LAMC2: variants seen among roughly 807,000 people sequenced by gnomAD.
LAMC2 encodes laminin subunit gamma 2.
Under a neutral mutation model 140.2 loss-of-function variants are expected in LAMC2, and 97 were observed. That is an observed-to-expected ratio of 0.69 (90% CI 0.59 to 0.82). The LOEUF (loss-of-function observed/expected upper bound fraction) is 0.82. Among genes scored for constraint, LAMC2 ranks in the 40% least tolerant of loss-of-function variants. LAMC2 has a pLI of 0.00. For synonymous variants in LAMC2, 513 were observed against 540.2 expected (o/e 0.95, Z 0.70); for missense variants, 1,402 against 1,476.1 (o/e 0.95, Z 0.82).
chr1:183,242,452 T>G (rs1048870918), intron 22 of LAMC2, among the ~76,000 whole-genome samples: 1 of 152,226 alleles, frequency 6.6e-6, no homozygotes, highest in Admixed American at 6.5e-5. Flanking sequence ...CACTCAAACC[T>G]ATTTGAACTA....
At position 183,225,480 on chromosome 1, in the gene LAMC2, T is replaced by C. The variant is rs906297306; in HGVS notation, c.954-128T>C. ...ATGCCTATGAAAAGGTGGCTCTCAG[T>C]CCTATGCCCCCTTCTAAGCAGGACT... On this transcript the variant is annotated intron_variant, in intron 7 of 22. Coordinates refer to ENST00000264144, the MANE Select transcript of LAMC2 (RefSeq NM_005562.3). The C allele has an allele frequency of 2.0e-5, 15 of 737,642 alleles. 1 individual carries two copies. The highest frequency in any genetic ancestry group is 3.7e-5 in the Admixed American group (2 of 54,578). The allele number at this position is 737,642 out of a possible 1,614,324, so 45.7% of individuals were successfully genotyped here.
intron 2 of LAMC2, among the ~76,000 whole-genome samples, chr1:183,211,938 T>C (rs1410301750): frequency 6.6e-6 from 1 of 152,124 alleles, no homozygotes; most frequent in East Asian, 1.9e-4. Flanking sequence ...CCTTATCTAT[T>C]CTTTAAAACC....
intron 7 of LAMC2, 139 bp from the exon 8 acceptor site, chr1:183,225,469 G>T (rs886763116): frequency 1.4e-6 from 1 of 692,994 alleles, no homozygotes. Context: ...CTATGAAAAG[G>T]TGGCTCTCAG....
intron 1 of LAMC2, among the ~76,000 whole-genome samples, chr1:183,198,336 G>A (rs572678280): frequency 6.6e-6 from 1 of 151,880 alleles, no homozygotes; most frequent in East Asian, 1.9e-4. Context: ...GTAGAGACAG[G>A]GTTTCACCAT....
At chr1:183,195,681 G>T (rs991055670) in intron 1 of LAMC2, among the ~76,000 whole-genome samples, 1 of 152,202 alleles carries the variant, frequency 6.6e-6, no homozygotes, top group Non-Finnish European at 1.5e-5. Context: ...TCAGCTAAAA[G>T]CCTTAGTGAG....
chr1:183,198,894 T>G (rs894033366), intron 1 of LAMC2, among the ~76,000 whole-genome samples: 4 of 152,124 alleles, frequency 2.6e-5, no homozygotes, highest in Admixed American at 2.6e-4. Context: ...AGACCCTTAA[T>G]CTCATTGAAA....
chr1:183,209,411 C>T (rs1448067174), intron 2 of LAMC2, among the ~76,000 whole-genome samples: 1 of 152,034 alleles, frequency 6.6e-6, no homozygotes, highest in Non-Finnish European at 1.5e-5. Flanking sequence ...AACTGGGTGA[C>T]CCTGTGGTGA....
intron 22 of LAMC2, 142 bp from the exon 23 acceptor site, chr1:183,243,005 A>G: frequency 1.1e-6 from 1 of 911,146 alleles, no homozygotes; most frequent in Non-Finnish European, 1.7e-6. Context: ...CTAATTTAAA[A>G]TAAGCTTTAA....
chr1:183,250,824 C>A, the LAMC2 span: 1 of 152,584 alleles, frequency 6.6e-6, no homozygotes, highest in Non-Finnish European at 1.5e-5. Flanking sequence ...TCTGTTAAAT[C>A]AAGTTCCTTT....
intron 1 of LAMC2, among the ~76,000 whole-genome samples, chr1:183,199,073 A>G (rs886570179): frequency 8.4e-6 from 1 of 119,076 alleles, no homozygotes; most frequent in Non-Finnish European, 1.8e-5. Context: ...AGATTTCTGT[A>G]TGTTCAGGTT....
rs780323891 is a variant in LAMC2 at position 183,220,930 on chromosome 1, T to C, written c.609T>C (p.Ser203=). ...GCTGCCGCAGCTCTGCAGAATACAG[T>C]GTCCATAAGATCACCTCTACCTTTC... ...SASCRSSAEY[S]VHKITSTFHQ... Residue 203 remains serine, a synonymous_variant, in exon 5 of 23, where the codon AGT becomes AGC. Transcript: ENST00000264144. 2 of 1,614,172 alleles carry C rather than the reference T, an allele frequency of 1.2e-6. No individual in the cohort carries two copies. The highest frequency in any genetic ancestry group is 2.2e-5 in the East Asian group (1 of 44,886).
intron 2 of LAMC2, among the ~76,000 whole-genome samples, chr1:183,208,631 A>T (rs552846685): frequency 6.3e-4 from 96 of 152,314 alleles, no homozygotes; most frequent in Non-Finnish European, 2.4e-4. Context: ...AACAAATAGG[A>T]AACACCTAAT....
intron 18 of LAMC2, 50 bp from the exon 19 acceptor site, chr1:183,238,257 G>T (rs1430418331): frequency 4.5e-6 from 6 of 1,329,122 alleles, no homozygotes; most frequent in African/African-American, 1.4e-5. Context: ...GAGTGATTTT[G>T]CCAGCAGGAA....
At chr1:183,201,042 CAG>C (rs1317932915) in intron 1 of LAMC2, among the ~76,000 whole-genome samples, 1 of 152,146 alleles carries the variant, frequency 6.6e-6, no homozygotes, top group Non-Finnish European at 1.5e-5. Context: ...GGTAAACTTG[CAG>C]AGTCTCATTT....
chr1:183,252,607 A>AG, the LAMC2 span: 6 of 1,381,538 alleles, frequency 4.3e-6, no homozygotes, highest in Admixed American at 1.0e-4. Flanking sequence ...ACAAAGATGG[A>AG]GGGGCCATTG....
chr1:183,199,680 G>T (rs1658645439), intron 1 of LAMC2, among the ~76,000 whole-genome samples: 1 of 152,240 alleles, frequency 6.6e-6, no homozygotes, highest in South Asian at 2.1e-4. Context: ...TGCTGAGAGA[G>T]GTGAGGATGA....
At chr1:183,197,675 CAA>C (rs201843893) in intron 1 of LAMC2, among the ~76,000 whole-genome samples, 44,416 of 123,520 alleles carry the variant, frequency 0.36, 6,872 homozygotes, top group Middle Eastern at 0.49. Context: ...GACTCCGTCT[CAA>C]AAAAAAAAAA....
At chr1:183,207,836 T>TG in intron 1 of LAMC2, 45 bp from the exon 2 acceptor site, 1 of 630,222 alleles carries the variant, frequency 1.6e-6, no homozygotes, top group Non-Finnish European at 2.2e-6. Flanking sequence ...TCCTGAGGTG[T>TG]TTTTTTTTTT....
At chr1:183,224,459 C>A (rs1415390270) in intron 7 of LAMC2, among the ~76,000 whole-genome samples, 3 of 152,008 alleles carry the variant, frequency 2.0e-5, no homozygotes, top group African/African-American at 4.8e-5. Context: ...GAAGTGTGAT[C>A]GTCAGGTGTG....
Sources: allele counts gnomAD v4.1 joint callset (sites outside exome capture counted in the v4.1 genomes callset), GRCh38; gene constraint gnomAD v4.1.1; transcripts MANE v1.5; gene names NCBI Gene and HGNC (gene_info 2026-07-23, HGNC 2026-07-21).